The following CSF2RB variants were observed in gnomAD, a reference collection of about 807,000 sequenced individuals.
The protein encoded by CSF2RB is cytokine receptor common subunit beta.
CSF2RB carries 22 observed loss-of-function variants against 67.2 expected under a neutral mutation model. The ratio of observed to expected loss-of-function variants is 0.33; its 90% CI spans 0.23 to 0.47. CSF2RB has a LOEUF of 0.47. Ranked by LOEUF, CSF2RB falls within the 20% of genes least tolerant of loss-of-function variation. The probability of loss-of-function intolerance (pLI) is 1.00; values close to 1 mark genes in which losing one functional copy is unlikely to be tolerated. For synonymous variants in CSF2RB, 507 were observed against 482.9 expected (o/e 1.05, Z -0.65); for missense variants, 1,113 against 1,174.5 (o/e 0.95, Z 0.76).
Position 36,937,943 on chromosome 22 carries a change from T to C in CSF2RB, c.2135T>C (p.Val712Ala), listed in dbSNP as rs1281221034. ...GACCCTGGAGTGGCCTCTGGTTATG[T>C]CTCCTCTGCAGACCTGGTATTCACC... Reference protein sequence around the residue: ...TEDPGVASGYVSSADLVFTPN... With the variant: ...TEDPGVASGYASSADLVFTPN... The change falls in exon 14 of 14, where the codon GTC becomes GCC. Residue 712 changes from valine to alanine, a missense_variant. Val to Ala is a moderately conservative substitution (Grantham distance 64). Around this residue, in one of 2 missense-constraint regions of CSF2RB, gnomAD observed 554 missense variants for 517.9 expected, o/e 1.07. Transcript: ENST00000403662. The surrounding 1 kb of genome is among the most constrained non-coding windows in gnomAD (Gnocchi z 4.6). 1.9e-6 allele frequency: 3 copies of C among 1,613,922 alleles called. No homozygotes were observed. The highest frequency in any genetic ancestry group is 1.3e-5 in the African/African-American group (1 of 74,876).
chr22:36,937,927 G>A lies in CSF2RB; in HGVS notation c.2119G>A (p.Val707Met), dbSNP rs1601595049. The change falls in exon 14 of 14, where the codon GTG becomes ATG. Residue 707 changes from valine to methionine, a missense_variant. This residue lies in a region of CSF2RB where 554 missense variants were observed against 517.9 expected (regional missense o/e 1.07). Coordinates refer to ENST00000403662, the MANE Select transcript of CSF2RB (RefSeq NM_000395.3). The surrounding 1 kb of genome is among the most constrained non-coding windows in gnomAD (Gnocchi z 4.6). The part of the protein sequence containing the change: ...MSSGDTEDPG[V>M]ASGYVSSADL... ...CTCTGGGGACACTGAGGACCCTGGA[G>A]TGGCCTCTGGTTATGTCTCCTCTGC... 1 of 1,614,154 alleles carries A rather than the reference G, an allele frequency of 6.2e-7. No individual in the cohort carries two copies. The highest frequency in any genetic ancestry group is 8.5e-7 in the Non-Finnish European group (1 of 1,180,008).
intron 8 of CSF2RB, among the ~76,000 whole-genome samples, chr22:36,931,802 A>T (rs746009743): frequency 3.3e-5 from 5 of 152,118 alleles, no homozygotes; most frequent in Non-Finnish European, 7.4e-5. Context: ...CTCTTTGGCC[A>T]CTATCTGGCT....
chr22:36,936,195 C>T (rs1235689758), intron 12 of CSF2RB, among the ~76,000 whole-genome samples: 3 of 152,174 alleles, frequency 2.0e-5, no homozygotes, highest in South Asian at 2.1e-4. Context: ...AAGACACCAG[C>T]GTGTGGGTGA....
chr22:36,930,778 C>T lies in CSF2RB; in HGVS notation c.960C>T (p.Ile320=), dbSNP rs758984857. 4.3e-6 allele frequency: 7 copies of T among 1,614,020 alleles called. No homozygotes were observed. Among genetic ancestry groups the T allele is most frequent in the Middle Eastern group, 1.7e-4 (1 of 6,060 alleles). Residue 320 remains isoleucine, a synonymous_variant, in exon 8 of 14, where the codon ATC becomes ATT. Coordinates refer to ENST00000403662, the MANE Select transcript of CSF2RB (RefSeq NM_000395.3). ...VPDPATHGQY[I]VSVQPRRAEK... is the part of the protein sequence containing the mutation. ...ACCCCGCGACCCACGGCCAATACAT[C>T]GTCTCTGTTCAGCCAAGGAGGGCAG...
rs2145805202 is a variant in CSF2RB at position 36,929,622 on chromosome 22, C to T, written c.550-17C>T. ...ATGGGCAGCACCCCTCCTCCAGCAC[C>T]CACTGTCTCCTGACAGGACGCAGCC... On this transcript the variant is annotated splice_polypyrimidine_tract_variant and intron_variant, in intron 5 of 13. Transcript: ENST00000403662. 4 of 1,614,224 alleles carry T rather than the reference C, an allele frequency of 2.5e-6. No individual in the cohort carries two copies. Among genetic ancestry groups the T allele is most frequent in the Non-Finnish European group, 3.4e-6 (4 of 1,180,036 alleles).
Position 36,937,989 on chromosome 22 carries a change from T to G in CSF2RB, c.2181T>G (p.Ser727=). ...TCACCCCAAACTCAGGGGCCTCGTC[T>G]GTCTCCCTAGTTCCCTCTCTGGGCC... ...LVFTPNSGAS[S]VSLVPSLGLP... Residue 727 remains serine, a synonymous_variant, in exon 14 of 14, where the codon TCT becomes TCG. Coordinates refer to ENST00000403662, the MANE Select transcript of CSF2RB (RefSeq NM_000395.3). This position sits in a 1 kb window ranked among gnomAD's most constrained non-coding sequence, Gnocchi z 4.6. The G allele has an allele frequency of 6.2e-7, 1 of 1,614,142 alleles. No individual in the cohort carries two copies. The highest frequency in any genetic ancestry group is 1.1e-5 in the South Asian group (1 of 91,084).
rs745676465 is a variant in CSF2RB, at chr22:36,932,897, C to T, written c.1145C>T (p.Thr382Met). 3.7e-6 allele frequency: 6 copies of T among 1,614,028 alleles called. No homozygotes were observed. The highest frequency in any genetic ancestry group is 1.3e-5 in the African/African-American group (1 of 75,046). Residue 382 changes from threonine to methionine, a missense_variant, in exon 9 of 14, where the codon ACG becomes ATG. Thr to Met is a moderately conservative substitution (Grantham distance 81, BLOSUM62 -1). Around this residue, in one of 2 missense-constraint regions of CSF2RB, gnomAD observed 559 missense variants for 656.5 expected, o/e 0.85. Coordinates refer to ENST00000403662, the MANE Select transcript of CSF2RB (RefSeq NM_000395.3). ...FEIQYRKDTA[T>M]WKDSKTETLQ... Reference sequence around the variant, plus strand: ...ATCCAGTACAGGAAAGACACGGCCACGTGGAAGGTGAGGGCCTTTGCCCAG... The same window carrying T: ...ATCCAGTACAGGAAAGACACGGCCATGTGGAAGGTGAGGGCCTTTGCCCAG...
intron 1 of CSF2RB, among the ~76,000 whole-genome samples, chr22:36,914,946 T>C (rs1474719305): frequency 6.6e-6 from 1 of 152,240 alleles, no homozygotes; most frequent in Non-Finnish European, 1.5e-5. Flanking sequence ...TAGAATTATG[T>C]AGCACAAGAG....
Position 36,919,728 on chromosome 22 carries a change from T to A in CSF2RB, c.-172-2308T>A, listed in dbSNP as rs1054593707. Among the ~76,000 whole-genome samples, 8 of 152,284 alleles carry A rather than the reference T, an allele frequency of 5.3e-5. No homozygotes were observed. The East Asian group carries it at 7.7e-4, about 15-fold the overall frequency. On this transcript the variant is annotated intron_variant, in intron 1 of 13. Coordinates refer to ENST00000403662, the MANE Select transcript of CSF2RB (RefSeq NM_000395.3). ...GCCCAGGCTTTGATTGATTTTTTTT[T>A]AAATTATGGATCTCATATCTTCAAA...
At chr22:36,915,980 G>A (rs1569128571) in intron 1 of CSF2RB, among the ~76,000 whole-genome samples, 1 of 152,056 alleles carries the variant, frequency 6.6e-6, no homozygotes, top group Non-Finnish European at 1.5e-5. Context: ...AACTTTTGGA[G>A]TGACTCATTT....
In CSF2RB at chr22:36,937,894, C is replaced by T. The variant is rs16997517; in HGVS notation, c.2086C>T (p.Pro696Ser). ...QDQKDSPVAI[P>S]MSSGDTEDPG... is the part of the protein sequence containing the mutation. ...CCAAAAGGACAGCCCTGTGGCTATA[C>T]CCATGAGCTCTGGGGACACTGAGGA... Residue 696 changes from proline (P) to serine (S), a missense_variant, in exon 14 of 14, where the codon CCC becomes TCC. Pro to Ser is a moderately conservative substitution (Grantham distance 74). Coordinates refer to ENST00000403662, the MANE Select transcript of CSF2RB (RefSeq NM_000395.3). This position sits in a 1 kb window ranked among gnomAD's most constrained non-coding sequence, Gnocchi z 4.6. 40,950 of 1,614,106 alleles carry T rather than the reference C, an allele frequency of 0.025. 1,051 individuals are homozygous for T. Among genetic ancestry groups the T allele is most frequent in the African/African-American group, 0.12 (8,723 of 75,018 alleles).
At position 36,923,896 on chromosome 22, in the gene CSF2RB, T is replaced by G. The variant is rs6000485; in HGVS notation, c.200+529T>G. 8,756 of 765,690 alleles carry G rather than the reference T, an allele frequency of 0.011. 614 individuals are homozygous for G. In the African/African-American group the frequency reaches 0.14, roughly 13 times the overall value. 47.4% of individuals were successfully genotyped at this position (765,690 alleles called of 1,614,324 possible). On this transcript the variant is annotated intron_variant, in intron 3 of 13. Coordinates refer to ENST00000403662, the MANE Select transcript of CSF2RB (RefSeq NM_000395.3). ...ACGTGTCTGGGAGGGGGCTCCGCGC[T>G]CTCCCAGGCCCCCCCTCCGTATGTG...
At chr22:36,920,470 T>C (rs1940830623) in intron 1 of CSF2RB, among the ~76,000 whole-genome samples, 1 of 152,206 alleles carries the variant, frequency 6.6e-6, no homozygotes, top group Admixed American at 6.5e-5. Context: ...CCTCACCAGA[T>C]AGTGAATCTG....
intron 10 of CSF2RB, among the ~76,000 whole-genome samples, chr22:36,934,461 A>G (rs966916261): frequency 3.9e-5 from 6 of 152,210 alleles, no homozygotes; most frequent in Admixed American, 6.5e-5. Flanking sequence ...CTCCTCCTTT[A>G]AACTGGGACT....
rs1941267020 is a variant in CSF2RB, at chr22:36,936,429, G to A, written c.1465-120G>A. ...AAAGGCCGTGGCCAGTCCTGAAGAAGTGGAGATTCTTCTCTTGTCTGGGGG... is the reference window on the plus strand; with the variant it reads ...AAAGGCCGTGGCCAGTCCTGAAGAAATGGAGATTCTTCTCTTGTCTGGGGG... On this transcript the variant is annotated intron_variant, in intron 12 of 13. Transcript: ENST00000403662. The A allele has an allele frequency of 3.8e-6, 3 of 796,288 alleles. No individual in the cohort carries two copies. The South Asian group carries it at 4.3e-5, about 11-fold the overall frequency. The allele number at this position is 796,288 out of a possible 1,614,324, so 49.3% of individuals were successfully genotyped here.
At chr22:36,922,541 A>C in intron 2 of CSF2RB, 1 of 581,412 alleles carries the variant, frequency 1.7e-6, no homozygotes, top group South Asian at 2.0e-5. Context: ...CCCGGCCCCT[A>C]GGCTCCAGGA....
At chr22:36,929,336 C>T in intron 4 of CSF2RB, 66 bp from the exon 5 acceptor site, 1 of 1,609,138 alleles carries the variant, frequency 6.2e-7, no homozygotes, top group Non-Finnish European at 8.5e-7. Flanking sequence ...ACACAAAAGG[C>T]CATGCAGGCC....
intron 8 of CSF2RB, among the ~76,000 whole-genome samples, chr22:36,931,390 A>G (rs1390807154): frequency 1.3e-5 from 2 of 152,252 alleles, no homozygotes; most frequent in Non-Finnish European, 2.9e-5. Flanking sequence ...TGAAGGGCAG[A>G]GGCCAATTTG....
At chr22:36,933,498 T>C (rs892907647) in intron 9 of CSF2RB, among the ~76,000 whole-genome samples, 1 of 152,124 alleles carries the variant, frequency 6.6e-6, no homozygotes, top group Non-Finnish European at 1.5e-5. Context: ...CTGCACTGCG[T>C]TCCTAAAAAG....
Sources: gnomAD v4.1 joint callset for allele counts (sites outside exome capture counted in the v4.1 genomes callset) on GRCh38, gnomAD v4.1.1 for gene constraint, gnomAD v4.1.1 regional missense constraint, Gnocchi (gnomAD v3.1) non-coding constraint, MANE v1.5 for transcripts, NCBI Gene and HGNC (gene_info 2026-07-23, HGNC 2026-07-21) for gene names.